Variants in MYB observed in about 807,000 individuals in gnomAD.
The protein encoded by MYB is transcriptional activator Myb.
Under a neutral mutation model 92.9 loss-of-function variants are expected in MYB, and 28 were observed. The ratio of observed to expected loss-of-function variants is 0.30; its 90% CI spans 0.22 to 0.41. The LOEUF (loss-of-function observed/expected upper bound fraction) is 0.41, where lower values mean the gene tolerates loss of function less well. MYB is among the 10% of genes least tolerant of loss of function. MYB has a pLI of 1.00. For missense variants in MYB, 679 were observed against 929.3 expected (o/e 0.73, Z 3.50); for synonymous variants, 295 against 329.1 (o/e 0.90, Z 1.12).
chr6:135,187,083 A>T (rs1009333788), intron 2 of MYB, among the ~76,000 whole-genome samples: 2 of 152,090 alleles, frequency 1.3e-5, no homozygotes, highest in African/African-American at 2.4e-5. Flanking sequence ...TGTACCAGGG[A>T]CCTCCACTGT....
chr6:135,195,483 G>T, intron 8 of MYB: 1 of 452,822 alleles, frequency 2.2e-6, no homozygotes. Flanking sequence ...ATTATACTTC[G>T]AAATATAGAC....
At position 135,195,852 on chromosome 6, in the gene MYB, C is replaced by A. The variant is rs765315652; in HGVS notation, c.1053C>A (p.His351Gln). Residue 351 changes from histidine to glutamine, a missense_variant, in exon 9 of 16, where the codon CAC (histidine) becomes CAA (glutamine). This residue lies in a region of MYB where 56 missense variants were observed against 55.8 expected (regional missense o/e 1.00). Coordinates refer to ENST00000341911, the MANE Select transcript of MYB (RefSeq NM_001130173.2). ...DSAPVSCLGE[H>Q]HSTPSLPADP... ...CACCTGTTTCCTGTTTGGGAGAACA[C>A]CACTCCACTCCATCTCTGCCAGCGG... 1.2e-6 allele frequency: 2 copies of A among 1,614,156 alleles called. No homozygotes were observed. The highest frequency in any genetic ancestry group is 1.7e-6 in the Non-Finnish European group (2 of 1,180,034).
intron 1 of MYB, among the ~76,000 whole-genome samples, chr6:135,183,273 G>A (rs928235107): frequency 3.9e-5 from 6 of 152,122 alleles, no homozygotes; most frequent in African/African-American, 1.4e-4. Context: ...GCGTCAACTC[G>A]GCAGGGATTA....
chr6:135,195,363 T>TAAAAAAAAAAAA, intron 8 of MYB: 1 of 246,846 alleles, frequency 4.1e-6, no homozygotes, highest in African/African-American at 2.2e-5. Context: ...TCCTCTAGCT[T>TAAAAAAAAAAAA]TTTTGTGGTT....
intron 15 of MYB, among the ~76,000 whole-genome samples, chr6:135,214,625 T>TAA: frequency 6.6e-6 from 1 of 152,378 alleles, no homozygotes; most frequent in Admixed American, 6.5e-5. Context: ...CCATAAGCCC[T>TAA]GCATCGTACT....
rs1288365750 is a variant in MYB, at chr6:135,185,942, G to A, written c.63G>A (p.Met21Ile). 1 of 1,614,054 alleles carries A rather than the reference G, an allele frequency of 6.2e-7. No individual in the cohort carries two copies. Among genetic ancestry groups the A allele is most frequent in the Non-Finnish European group, 8.5e-7 (1 of 1,180,018 alleles). ...ACGAGGATGATGAGGACTTTGAGATGTGTGACCATGACTATGATGGGCTGC... is the reference window on the plus strand; with the variant it reads ...ACGAGGATGATGAGGACTTTGAGATATGTGACCATGACTATGATGGGCTGC... ...SSDEDDEDFE[M>I]CDHDYDGLLP... The change falls in exon 2 of 16, where the codon ATG (methionine) becomes ATA (isoleucine). Residue 21 changes from methionine to isoleucine, a missense_variant. Met to Ile is a conservative substitution (Grantham distance 10). Around this residue, in one of 8 missense-constraint regions of MYB, gnomAD observed 88 missense variants for 145.6 expected, o/e 0.60. Coordinates refer to ENST00000341911, the MANE Select transcript of MYB (RefSeq NM_001130173.2).
At chr6:135,201,948 C>T (rs1358944814) in intron 14 of MYB, among the ~76,000 whole-genome samples, 199 bp downstream of exon 14, 2 of 152,168 alleles carry the variant, frequency 1.3e-5, no homozygotes, top group African/African-American at 4.8e-5. Context: ...GTATTAGAAA[C>T]ATTGCAGACT....
At position 135,192,642 on chromosome 6, in the gene MYB, T is replaced by C. The variant is rs1583284838; in HGVS notation, c.762+84T>C. ...ATAATCATACTTTGCAGTTGTATAC[T>C]TTTCAGAGAACTTTCCTGAGCATGA... On this transcript the variant is annotated intron_variant, in intron 6 of 15. Coordinates refer to ENST00000341911, the MANE Select transcript of MYB (RefSeq NM_001130173.2). 3 of 1,338,806 alleles carry C rather than the reference T, an allele frequency of 2.2e-6. No individual in the cohort carries two copies. The East Asian group carries it at 6.9e-5, about 31-fold the overall frequency. 82.9% of individuals were successfully genotyped at this position (1,338,806 alleles called of 1,614,324 possible).
At position 135,198,916 on chromosome 6, in the gene MYB, C is replaced by T. The variant is rs1777695395; in HGVS notation, c.1575C>T (p.Asn525=). 6.2e-7 allele frequency: 1 copy of T among 1,605,238 alleles called. No individual in the cohort carries two copies. Among genetic ancestry groups the T allele is most frequent in the Non-Finnish European group, 8.5e-7 (1 of 1,173,904 alleles). The change falls in exon 11 of 16, where the codon AAC becomes AAT. Residue 525 remains asparagine, a synonymous_variant. Transcript: ENST00000341911. ...SLPFSPSQFL[N]TSSNHENSDL... is the part of the protein sequence containing the mutation. The stretch of plus-strand genomic sequence containing the variant: ...TTTCTCTCCATATTTAGTTCTTAAA[C>T]ACTTCCAGTAACCATGAAAACTCAG...
chr6:135,218,989 A>T lies in MYB; in HGVS notation c.*1009A>T, dbSNP rs1279556251. 1 of 225,242 alleles carries T rather than the reference A, an allele frequency of 4.4e-6. No individual in the cohort carries two copies. Among genetic ancestry groups the T allele is most frequent in the Admixed American group, 5.7e-5 (1 of 17,488 alleles). 14.0% of individuals were successfully genotyped at this position (225,242 alleles called of 1,614,324 possible). A position where few individuals can be genotyped will look rare whatever the true frequency, so the allele number is the denominator to read the frequency against. On this transcript the variant is annotated 3_prime_UTR_variant, in exon 16 of 16. Coordinates refer to ENST00000341911, the MANE Select transcript of MYB (RefSeq NM_001130173.2). ...TGATCCGCATCCCCTGTGGTTTCTA[A>T]GTGTATGGTCTCAGAACTGTTGCAT...
chr6:135,182,149 T>C lies in MYB; in HGVS notation c.23+613T>C, dbSNP rs1775149443. 1.3e-5 allele frequency among the ~76,000 whole-genome samples: 2 copies of C among 152,208 alleles called. No homozygotes were observed. Among genetic ancestry groups the C allele is most frequent in the African/African-American group, 4.8e-5 (2 of 41,462 alleles). On this transcript the variant is annotated intron_variant, in intron 1 of 15. Coordinates refer to ENST00000341911, the MANE Select transcript of MYB (RefSeq NM_001130173.2). This position sits in a 1 kb window ranked among gnomAD's most constrained non-coding sequence, Gnocchi z 5.6. ...GACCTGGTTTTGGAGGTTCGAATCA[T>C]TTTTCTCTGAAAGGCTTTTACTTCC... is the stretch of plus-strand genomic sequence containing the variant.
chr6:135,201,386 CA>C (rs1203144689), intron 13 of MYB, among the ~76,000 whole-genome samples: 1 of 152,106 alleles, frequency 6.6e-6, no homozygotes, highest in Admixed American at 6.5e-5. Context: ...ATAGAATAAA[CA>C]CCTAGAATCA....
chr6:135,204,095 A>G (rs1778519352), intron 15 of MYB: 1 of 179,152 alleles, frequency 5.6e-6, no homozygotes, highest in Non-Finnish European at 1.2e-5. Context: ...CCCTAGAGGA[A>G]GTGAAGAGCC....
chr6:135,188,310 C>CT (rs769544733), intron 3 of MYB, among the ~76,000 whole-genome samples: 3 of 152,008 alleles, frequency 2.0e-5, no homozygotes, highest in African/African-American at 4.8e-5. Context: ...CCTTTCTTGA[C>CT]TTATCACATT....
chr6:135,197,639 A>G (rs1251187438), intron 10 of MYB, among the ~76,000 whole-genome samples: 2 of 152,032 alleles, frequency 1.3e-5, no homozygotes, highest in Non-Finnish European at 2.9e-5. Flanking sequence ...CTCCCATCTG[A>G]TCCCTCCCTT....
chr6:135,203,136 C>G (rs1174306292), intron 14 of MYB, 81 bp from the exon 15 acceptor site: 15 of 1,000,104 alleles, frequency 1.5e-5, no homozygotes, highest in Non-Finnish European at 2.3e-5. Context: ...TCATAGTAAT[C>G]TACTCTCCAC....
At chr6:135,213,085 A>T (rs562303507) in intron 15 of MYB, among the ~76,000 whole-genome samples, 1 of 152,248 alleles carries the variant, frequency 6.6e-6, no homozygotes, top group South Asian at 2.1e-4. Flanking sequence ...CCTGGTGCAG[A>T]AAAGGAGCTG....
chr6:135,195,669 C>A, intron 8 of MYB, 79 bp from the exon 9 acceptor site: 1 of 1,503,486 alleles, frequency 6.7e-7, no homozygotes, highest in South Asian at 1.2e-5. Flanking sequence ...CATCTGATAC[C>A]TTGTGCAACT....
At chr6:135,214,060 G>A (rs1419782568) in intron 15 of MYB, among the ~76,000 whole-genome samples, 1 of 151,648 alleles carries the variant, frequency 6.6e-6, no homozygotes, top group East Asian at 2.0e-4. Flanking sequence ...ATCACCTGAG[G>A]CCAGGAGTTT....
Sources: allele counts gnomAD v4.1 joint callset (sites outside exome capture counted in the v4.1 genomes callset), GRCh38; gene constraint gnomAD v4.1.1; regional missense constraint gnomAD v4.1.1; non-coding constraint Gnocchi (gnomAD v3.1); transcripts MANE v1.5; gene names NCBI Gene and HGNC (gene_info 2026-07-23, HGNC 2026-07-21).